The following CATSPER4 variants were observed in gnomAD, a reference collection of about 807,000 sequenced individuals.
CATSPER4 encodes cation channel sperm-associated protein 4.
A neutral mutation model predicts 54.4 loss-of-function variants in CATSPER4; 46 were observed. The ratio of observed to expected loss-of-function variants is 0.84; its 90% CI spans 0.67 to 1.08. CATSPER4 has a LOEUF of 1.08. CATSPER4 is among the 50% of genes least tolerant of loss of function. The probability of loss-of-function intolerance (pLI) is 0.00; values close to 1 mark genes in which losing one functional copy is unlikely to be tolerated. For synonymous variants in CATSPER4, 230 were observed against 231.9 expected, an observed-to-expected ratio of 0.99 and a Z score of 0.08; for missense variants, 574 against 612.8, an observed-to-expected ratio of 0.94 and a Z score of 0.67.
At chr1:26,201,718 C>G in intron 9 of CATSPER4, 199 bp downstream of exon 9, 2 of 492,846 alleles carry the variant, frequency 4.1e-6, no homozygotes, top group Non-Finnish European at 6.9e-6. Flanking sequence ...GAGACGGAGT[C>G]TTACTCCATC....
intron 1 of CATSPER4, 68 bp from the exon 2 acceptor site, chr1:26,191,219 G>A (rs1184039222): frequency 6.9e-6 from 11 of 1,593,766 alleles, no homozygotes; most frequent in Non-Finnish European, 8.6e-6. Context: ...CATTCTCTAA[G>A]AGCAAACCCC....
At chr1:26,195,562 G>A (rs2088927896) in intron 3 of CATSPER4, among the ~76,000 whole-genome samples, 1 of 150,432 alleles carries the variant, frequency 6.6e-6, no homozygotes, top group African/African-American at 2.5e-5. Context: ...GTGCAGTGGC[G>A]CGATCTCGGC....
At chr1:26,199,458 G>A (rs2088980684) in intron 6 of CATSPER4, among the ~76,000 whole-genome samples, 1 of 151,182 alleles carries the variant, frequency 6.6e-6, no homozygotes, top group African/African-American at 2.4e-5. Flanking sequence ...AATTAGCCAG[G>A]CGTGGTGGCA....
chr1:26,201,814 C>G (rs995158907), intron 9 of CATSPER4, among the ~76,000 whole-genome samples: 1 of 151,908 alleles, frequency 6.6e-6, no homozygotes, highest in African/African-American at 2.4e-5. Context: ...TTCAGCCTCC[C>G]AAGTAGCTGG....
rs80228909 is a variant in CATSPER4, at chr1:26,200,834, G to A, written c.992G>A (p.Gly331Asp). Residue 331 changes from glycine to aspartate, a missense_variant, in exon 8 of 10, where the codon GGC (glycine) becomes GAC (aspartate). Physicochemically the swap from Gly to Asp is moderately conservative, Grantham distance 94. Transcript: ENST00000456354. ...TCTCTATCCCCCGCTTCCCAGACAG[G>A]CGCAGAGGAAGAGGAGGAGAATGAC... is the stretch of plus-strand genomic sequence containing the variant. ...QQQRITFSET[G>D]AEEEEENDQL... 2,708 of 1,613,450 alleles carry A rather than the reference G, an allele frequency of 1.7e-3. 27 individuals carry two copies. In the African/African-American group the frequency reaches 0.022, roughly 13 times the overall value.
At chr1:26,192,144 T>A (rs77014147) in intron 2 of CATSPER4, among the ~76,000 whole-genome samples, 1 of 151,144 alleles carries the variant, frequency 6.6e-6, no homozygotes, top group Non-Finnish European at 1.5e-5. Flanking sequence ...TTTTTTTTTT[T>A]AGAGACAAGG....
At chr1:26,191,521 G>A in intron 2 of CATSPER4, 91 bp downstream of exon 2, 1 of 1,437,734 alleles carries the variant, frequency 7.0e-7, no homozygotes, top group Non-Finnish European at 9.6e-7. Context: ...ATCTGTCTAT[G>A]ATGGTTGGAT....
intron 3 of CATSPER4, among the ~76,000 whole-genome samples, chr1:26,195,055 G>T (rs985083218): frequency 1.3e-5 from 2 of 152,190 alleles, no homozygotes; most frequent in Admixed American, 1.3e-4. Context: ...CTGCACTCCA[G>T]CCTGGGCGAC....
chr1:26,201,217 C>A, intron 8 of CATSPER4, 137 bp from the exon 9 acceptor site: 1 of 1,043,550 alleles, frequency 9.6e-7, no homozygotes, highest in Non-Finnish European at 1.4e-6. Context: ...TTCCATCTCA[C>A]ACAAGGGCAC....
At chr1:26,199,298 G>T (rs754275405) in intron 6 of CATSPER4, among the ~76,000 whole-genome samples, 1 of 152,018 alleles carries the variant, frequency 6.6e-6, no homozygotes, top group East Asian at 1.9e-4. Context: ...TAGCCGGACG[G>T]TGGGGCGCCT....
Position 26,201,446 on chromosome 1 carries a change from C to T in CATSPER4, c.1292C>T (p.Thr431Ile), listed in dbSNP as rs371719915. 66 of 1,613,888 alleles carry T rather than the reference C, an allele frequency of 4.1e-5. No individual in the cohort carries two copies. In the African/African-American group the frequency reaches 8.5e-4, roughly 21 times the overall value. The change falls in exon 9 of 10, where the codon ACT (threonine) becomes ATT (isoleucine). Residue 431 changes from threonine (T) to isoleucine (I), a missense_variant. Transcript: ENST00000456354. ...RRSSTSGSLETTSSKDIRQMS... is the reference protein window; with the variant it reads ...RRSSTSGSLEITSSKDIRQMS... ...TCGTCGACGAGCGGGTCGTTGGAGA[C>T]TACGTCATCCAAGGACATCCGCCAG...
intron 3 of CATSPER4, among the ~76,000 whole-genome samples, chr1:26,196,565 AC>A (rs2088941647): frequency 6.7e-6 from 1 of 150,204 alleles, no homozygotes; most frequent in Non-Finnish European, 1.5e-5. Context: ...ACATGCCAAC[AC>A]CCCTGTCTAA....
At chr1:26,191,965 G>A (rs1180463482) in intron 2 of CATSPER4, among the ~76,000 whole-genome samples, 1 of 152,048 alleles carries the variant, frequency 6.6e-6, no homozygotes, top group Non-Finnish European at 1.5e-5. Flanking sequence ...GAAGTAGGAT[G>A]TGATCTCAGT....
At chr1:26,197,645 C>A in intron 3 of CATSPER4, 41 bp from the exon 4 acceptor site, 1 of 1,432,054 alleles carries the variant, frequency 7.0e-7, no homozygotes, top group Non-Finnish European at 9.8e-7. Flanking sequence ...CCCCCATGGG[C>A]TGGGCCTGAC....
intron 4 of CATSPER4, 48 bp downstream of exon 4, chr1:26,197,831 G>C (rs749840086): frequency 6.2e-7 from 1 of 1,607,690 alleles, no homozygotes; most frequent in Non-Finnish European, 8.5e-7. Flanking sequence ...CTGGAACCCA[G>C]GAATGAGATG....
chr1:26,191,709 G>T (rs1419091783), intron 2 of CATSPER4, among the ~76,000 whole-genome samples: 1 of 152,136 alleles, frequency 6.6e-6, no homozygotes. Flanking sequence ...TGTGGAGAAG[G>T]GGTATCCAAT....
At chr1:26,201,292 G>C in intron 8 of CATSPER4, 62 bp from the exon 9 acceptor site, 1 of 1,545,574 alleles carries the variant, frequency 6.5e-7, no homozygotes, top group East Asian at 2.3e-5. Flanking sequence ...CCAGGGAAGA[G>C]GTGGGAGGGC....
intron 7 of CATSPER4, 149 bp from the exon 8 acceptor site, chr1:26,200,681 G>A (rs914514662): frequency 1.0e-5 from 7 of 670,214 alleles, no homozygotes; most frequent in African/African-American, 7.3e-5. Flanking sequence ...CCCCCAGCAA[G>A]GCAGTGAGGC....
intron 2 of CATSPER4, 35 bp from the exon 3 acceptor site, chr1:26,193,750 CCT>C: frequency 7.1e-7 from 1 of 1,416,572 alleles, no homozygotes; most frequent in Non-Finnish European, 1.0e-6. Flanking sequence ...GCTCCACTGA[CCT>C]CTCTGCCCCT....
Sources: allele counts gnomAD v4.1 joint callset (sites outside exome capture counted in the v4.1 genomes callset), GRCh38; gene constraint gnomAD v4.1.1; transcripts MANE v1.5; gene names NCBI Gene and HGNC (gene_info 2026-07-23, HGNC 2026-07-21).